MAP4K3: variants seen among roughly 807,000 people sequenced by gnomAD.
MAP4K3 encodes the protein MAPK/ERK kinase kinase kinase 3.
In MAP4K3, 94 loss-of-function variants were observed where a neutral mutation model predicts 143.5. The observed-to-expected ratio is 0.65, with a 90% confidence interval of 0.55 to 0.78. MAP4K3 has a LOEUF of 0.78. Ranked by LOEUF, MAP4K3 falls within the 30% of genes least tolerant of loss-of-function variation. MAP4K3 has a pLI of 0.00. For synonymous variants in MAP4K3, 416 were observed against 347.2 expected, an observed-to-expected ratio of 1.20 and a Z score of -2.20; for missense variants, 1,077 against 1,068.1, an observed-to-expected ratio of 1.01 and a Z score of -0.12.
chr2:39,434,257 T>C (rs992624281), intron 1 of MAP4K3, among the ~76,000 whole-genome samples: 10 of 152,228 alleles, frequency 6.6e-5, no homozygotes, highest in Non-Finnish European at 1.2e-4. Flanking sequence ...AATTAATTTG[T>C]ATAAATAAGA....
At chr2:39,409,799 TA>T (rs1558340632) in intron 1 of MAP4K3, among the ~76,000 whole-genome samples, 1 of 152,230 alleles carries the variant, frequency 6.6e-6, no homozygotes, top group Non-Finnish European at 1.5e-5. Context: ...TTACAGTTGG[TA>T]TAAATGCCTA....
chr2:39,296,086 A>G (rs1393172916), intron 16 of MAP4K3, among the ~76,000 whole-genome samples: 1 of 152,200 alleles, frequency 6.6e-6, no homozygotes, highest in African/African-American at 2.4e-5. Flanking sequence ...GAATGGTTGA[A>G]TAAGTGAATA....
chr2:39,434,580 A>C (rs777707162), intron 1 of MAP4K3, among the ~76,000 whole-genome samples: 7 of 152,206 alleles, frequency 4.6e-5, no homozygotes, highest in Non-Finnish European at 1.0e-4. Flanking sequence ...TGCTAAACTA[A>C]ATGTGTGCCT....
intron 3 of MAP4K3, among the ~76,000 whole-genome samples, chr2:39,353,274 A>G (rs1053844469): frequency 6.6e-6 from 1 of 152,144 alleles, no homozygotes; most frequent in Non-Finnish European, 1.5e-5. Flanking sequence ...AGGATTCCCT[A>G]CTCCAACCTT....
Position 39,288,153 on chromosome 2 carries a change from G to A in MAP4K3, c.1442C>T (p.Pro481Leu). 1.2e-6 allele frequency: 2 copies of A among 1,614,056 alleles called. No individual in the cohort carries two copies. The highest frequency in any genetic ancestry group is 1.7e-6 in the Non-Finnish European group (2 of 1,179,998). The part of the protein sequence containing the change: ...PSQVPPRPPP[P>L]RLPPHKPVAL... ...AACAGGTTTGTGTGGGGGTAATCTGGGAGGTGGTGGTCTAGGTGGAACTTG... is the reference window on the plus strand; with the variant it reads ...AACAGGTTTGTGTGGGGGTAATCTGAGAGGTGGTGGTCTAGGTGGAACTTG... Residue 481 changes from proline to leucine, a missense_variant, in exon 20 of 34, where the codon CCC becomes CTC. This residue lies in a region of MAP4K3 where 864 missense variants were observed against 801.2 expected (regional missense o/e 1.08). Coordinates refer to ENST00000263881, the MANE Select transcript of MAP4K3 (RefSeq NM_003618.4).
In MAP4K3 at chr2:39,336,493, AAAAAAAAAG is replaced by A. The variant is rs1664967941; in HGVS notation, c.414+418_414+426del. Reference sequence around the variant, plus strand: ...TCTCAAAAAAAAAAAAAAAAAAAAAAAAAAAAAAGACTATGAGAAAGTGTCAAAGGTCAA... The same window carrying A: ...TCTCAAAAAAAAAAAAAAAAAAAAAAACTATGAGAAAGTGTCAAAGGTCAA... On this transcript the variant is annotated intron_variant, in intron 6 of 33. Transcript: ENST00000263881. 2.7e-5 allele frequency among the ~76,000 whole-genome samples: 4 copies of A among 150,130 alleles called. No homozygotes were observed. In the East Asian group the frequency reaches 7.8e-4, roughly 29 times the overall value.
chr2:39,291,428 A>G (rs757489217), intron 18 of MAP4K3, among the ~76,000 whole-genome samples: 8 of 152,240 alleles, frequency 5.3e-5, no homozygotes, highest in Non-Finnish European at 1.0e-4. Context: ...CTTATGAAAT[A>G]AATGATACAG....
intron 2 of MAP4K3, among the ~76,000 whole-genome samples, chr2:39,375,852 G>T (rs1666203332): frequency 6.6e-6 from 1 of 152,172 alleles, no homozygotes; most frequent in African/African-American, 2.4e-5. Context: ...GCAGTTTTGT[G>T]TGTCTAGCTC....
At chr2:39,319,994 C>G (rs551291165) in intron 12 of MAP4K3, among the ~76,000 whole-genome samples, 1 of 152,192 alleles carries the variant, frequency 6.6e-6, no homozygotes, top group Non-Finnish European at 1.5e-5. Flanking sequence ...AAACTTTGGT[C>G]TTTCTGGCAT....
At chr2:39,322,618 A>ATGTGTGTG (rs760853279) in intron 12 of MAP4K3, among the ~76,000 whole-genome samples, 1 of 145,484 alleles carries the variant, frequency 6.9e-6, no homozygotes, top group East Asian at 2.0e-4. Flanking sequence ...GTGTGTGTGT[A>ATGTGTGTG]TATATGTATA....
intron 19 of MAP4K3, 113 bp from the exon 20 acceptor site, chr2:39,288,393 T>TA: frequency 1.1e-6 from 1 of 885,098 alleles, no homozygotes; most frequent in African/African-American, 1.7e-5. Flanking sequence ...ATTAGAGGTT[T>TA]ACCAGATGAG....
intron 1 of MAP4K3, among the ~76,000 whole-genome samples, chr2:39,419,865 T>A (rs974860367): frequency 1.3e-4 from 20 of 152,198 alleles, no homozygotes; most frequent in African/African-American, 4.6e-4. Context: ...TTTTGAAGAT[T>A]TGGAGTTTGT....
At chr2:39,280,240 G>T in intron 23 of MAP4K3, 32 bp downstream of exon 23, 2 of 1,267,202 alleles carry the variant, frequency 1.6e-6, no homozygotes, top group South Asian at 1.9e-5. Flanking sequence ...TAAAAAATTA[G>T]GAAGATAACA....
intron 4 of MAP4K3, among the ~76,000 whole-genome samples, chr2:39,341,075 T>A (rs995101972): frequency 6.6e-6 from 1 of 152,108 alleles, no homozygotes; most frequent in Admixed American, 6.5e-5. Context: ...GTAAGCCTGT[T>A]AAGTCCCAAG....
chr2:39,342,192 C>T (rs182888485), intron 4 of MAP4K3, among the ~76,000 whole-genome samples: 1 of 151,544 alleles, frequency 6.6e-6, no homozygotes, highest in East Asian at 1.9e-4. Context: ...AGGCTGTAGT[C>T]CAACGGTGCA....
intron 12 of MAP4K3, chr2:39,323,526 T>A (rs558589794): frequency 6.6e-6 from 1 of 152,324 alleles, no homozygotes; most frequent in Admixed American, 6.5e-5. Context: ...GTTCCCTACA[T>A]CATGGTTCAA....
At chr2:39,342,188 T>C (rs914764592) in intron 4 of MAP4K3, among the ~76,000 whole-genome samples, 2 of 151,694 alleles carry the variant, frequency 1.3e-5, no homozygotes, top group Non-Finnish European at 1.5e-5. Context: ...GCCCAGGCTG[T>C]AGTCCAACGG....
At position 39,315,359 on chromosome 2, in the gene MAP4K3, G is replaced by C. The variant is rs759558393; in HGVS notation, c.948C>G (p.His316Gln). ...EPLVAVPHRI[H>Q]STSRNVREEK... ...CTTCTCTCACGTTTCTACTTGTTGA[G>C]TGAATTCTATGTGGTACAGCAACAA... is the stretch of plus-strand genomic sequence containing the variant. The change falls in exon 13 of 34, where the codon CAC becomes CAG. Residue 316 changes from histidine (H) to glutamine (Q), a missense_variant. His to Gln is a conservative substitution (Grantham distance 24). Coordinates refer to ENST00000263881, the MANE Select transcript of MAP4K3 (RefSeq NM_003618.4). 2.5e-6 allele frequency: 4 copies of C among 1,612,408 alleles called. No individual in the cohort carries two copies. Among genetic ancestry groups the C allele is most frequent in the Non-Finnish European group, 2.5e-6 (3 of 1,179,032 alleles).
chr2:39,416,305 G>T (rs1667378099), intron 1 of MAP4K3, among the ~76,000 whole-genome samples: 1 of 151,838 alleles, frequency 6.6e-6, no homozygotes, highest in Admixed American at 6.6e-5. Flanking sequence ...GATGTTTCTG[G>T]CATGTTAATA....
Sources: gnomAD v4.1 joint callset for allele counts (sites outside exome capture counted in the v4.1 genomes callset) on GRCh38, gnomAD v4.1.1 for gene constraint, gnomAD v4.1.1 regional missense constraint, MANE v1.5 for transcripts, NCBI Gene and HGNC (gene_info 2026-07-23, HGNC 2026-07-21) for gene names.